Variants in NUP160 observed in about 807,000 individuals in gnomAD.
NUP160 encodes nuclear pore complex protein Nup160.
NUP160 carries 94 observed loss-of-function variants against 196.9 expected under a neutral mutation model. The ratio of observed to expected loss-of-function variants is 0.48; its 90% CI spans 0.40 to 0.57. The LOEUF is 0.57. Among genes scored for constraint, NUP160 ranks in the 20% least tolerant of loss-of-function variants. The probability of loss-of-function intolerance (pLI) is 0.00; values close to 1 mark genes in which losing one functional copy is unlikely to be tolerated. For synonymous variants in NUP160, 605 were observed against 619.7 expected (o/e 0.98, Z 0.35); for missense variants, 1,638 against 1,748.3 (o/e 0.94, Z 1.13).
rs779304067 is a variant in NUP160, at chr11:47,804,529, A to C, written c.2676+20T>G. 6.1e-6 allele frequency: 9 copies of C among 1,484,252 alleles called. No homozygotes were observed. In the African/African-American group the frequency reaches 1.2e-4, roughly 19 times the overall value. The allele number at this position is 1,484,252 out of a possible 1,614,324, so 91.9% of individuals were successfully genotyped here. On this transcript the variant is annotated intron_variant, in intron 21 of 35. Coordinates refer to ENST00000378460, the Ensembl canonical transcript of NUP160. The stretch of plus-strand genomic sequence containing the variant: ...TGCTTTACAAGAATGTGTAGACATG[A>C]AATGTTCAAAGGAACTCACCTGCAA...
At chr11:47,830,633 A>C (rs1280359449) in intron 7 of NUP160, among the ~76,000 whole-genome samples, 1 of 152,214 alleles carries the variant, frequency 6.6e-6, no homozygotes, top group African/African-American at 2.4e-5. Context: ...ACATGTTCTC[A>C]CTTATAAATG....
At position 47,782,301 on chromosome 11, in the gene NUP160, AAAATATATATATATATATATAT is replaced by A. The variant is rs1471486361; in HGVS notation, c.4116+750_4116+771del. ...AGCAAAACTCAGTTAAAAAAAAAAA[AAAATATATATATATATATATAT>A]ATATATATATATATATATATATATA... is the stretch of plus-strand genomic sequence containing the variant. On this transcript the variant is annotated intron_variant, in intron 34 of 35. Coordinates refer to ENST00000378460, the Ensembl canonical transcript of NUP160. 1.6e-3 allele frequency among the ~76,000 whole-genome samples: 73 copies of A among 44,972 alleles called. 6 individuals carry two copies. Among genetic ancestry groups the A allele is most frequent in the East Asian group, 5.0e-3 (9 of 1,786 alleles). The allele number at this position is 44,972 out of a possible 152,430, so 29.5% of individuals were successfully genotyped here.
At chr11:47,833,106 T>C (rs1013203213) in intron 7 of NUP160, among the ~76,000 whole-genome samples, 21 of 152,168 alleles carry the variant, frequency 1.4e-4, no homozygotes, top group African/African-American at 4.8e-4. Flanking sequence ...CTAAAACTCA[T>C]TGAATGGTAT....
chr11:47,839,639 T>G, intron 4 of NUP160: 1 of 579,044 alleles, frequency 1.7e-6, no homozygotes, highest in Non-Finnish European at 3.1e-6. Flanking sequence ...CTTGTCTATT[T>G]GTTTTTCCGT....
intron 7 of NUP160, among the ~76,000 whole-genome samples, chr11:47,830,623 A>C (rs1852054536): frequency 6.6e-6 from 1 of 152,196 alleles, no homozygotes; most frequent in South Asian, 2.1e-4. Flanking sequence ...ACCAAATACC[A>C]CATGTTCTCA....
intron 2 of NUP160, among the ~76,000 whole-genome samples, chr11:47,842,361 T>A (rs1358554420): frequency 1.3e-5 from 2 of 152,192 alleles, no homozygotes; most frequent in Non-Finnish European, 1.5e-5. Flanking sequence ...ACTCACGGCA[T>A]CAGCACAATT....
intron 7 of NUP160, among the ~76,000 whole-genome samples, chr11:47,824,060 CACAT>C (rs1469434539): frequency 7.6e-6 from 1 of 130,784 alleles, no homozygotes; most frequent in African/African-American, 3.0e-5. Context: ...TATACACACA[CACAT>C]AGAAGTGGAA....
chr11:47,820,859 T>C (rs895077543), intron 9 of NUP160, among the ~76,000 whole-genome samples: 1 of 152,098 alleles, frequency 6.6e-6, no homozygotes, highest in Non-Finnish European at 1.5e-5. Context: ...CACTAGTTTA[T>C]TTTTTATAGA....
chr11:47,846,245 G>A (rs1852401558), intron 2 of NUP160, among the ~76,000 whole-genome samples: 1 of 151,906 alleles, frequency 6.6e-6, no homozygotes. Context: ...CCAAAGTGCT[G>A]GGATTACAGG....
exon 17 of NUP160, chr11:47,812,126 G>A (rs144501990): frequency 5.0e-6 from 8 of 1,613,980 alleles, no homozygotes; most frequent in South Asian, 2.2e-5. Context: ...ATCAGGAAAC[G>A]AGTACTGGCG....
intron 33 of NUP160, 70 bp downstream of exon 33, chr11:47,784,852 A>T (rs897916325): frequency 8.4e-7 from 1 of 1,192,886 alleles, no homozygotes; most frequent in Admixed American, 2.5e-5. Flanking sequence ...CATATTTTTA[A>T]TCATCTCATG....
At chr11:47,835,803 T>A in exon 7 of NUP160, 1 of 1,579,694 alleles carries the variant, frequency 6.3e-7, no homozygotes, top group African/African-American at 1.4e-5. Flanking sequence ...ATTAGGCACA[T>A]TTGCTCCTGT....
At chr11:47,830,106 G>T (rs1852044843) in intron 7 of NUP160, among the ~76,000 whole-genome samples, 1 of 152,160 alleles carries the variant, frequency 6.6e-6, no homozygotes, top group Admixed American at 6.5e-5. Flanking sequence ...ACAAGCATAT[G>T]AATAAAAGTT....
intron 1 of NUP160, 61 bp downstream of exon 1, chr11:47,848,158 G>A (rs1442873632): frequency 1.3e-6 from 2 of 1,576,150 alleles, no homozygotes; most frequent in East Asian, 2.2e-5. Flanking sequence ...GGGACCCTGG[G>A]ACCCATGAGA....
chr11:47,848,409 C>G, exon 1 of NUP160: 1 of 1,576,960 alleles, frequency 6.3e-7, no homozygotes, highest in Non-Finnish European at 8.6e-7. Context: ...GAGCTGCGGA[C>G]AGGTGAAGCA....
chr11:47,825,924 A>G (rs542889047), intron 7 of NUP160, among the ~76,000 whole-genome samples: 2 of 152,312 alleles, frequency 1.3e-5, no homozygotes, highest in East Asian at 3.9e-4. Context: ...CTGTAAATTG[A>G]TAAGAGTGAT....
intron 18 of NUP160, among the ~76,000 whole-genome samples, chr11:47,808,107 AC>A (rs1351218368): frequency 6.6e-6 from 1 of 152,142 alleles, no homozygotes; most frequent in African/African-American, 2.4e-5. Context: ...ACATGGTGAA[AC>A]CCCATCTCTA....
Position 47,812,443 on chromosome 11 carries a change from T to C in NUP160, c.1953-14A>G, listed in dbSNP as rs760482560. On this transcript the variant is annotated splice_polypyrimidine_tract_variant and intron_variant, in intron 15 of 35. Transcript: ENST00000378460. ...ATCACATTTTCTCTATAAGGACAAT[T>C]ACAAAACTCTTATTACTACCGAGAA... 6.2e-7 allele frequency: 1 copy of C among 1,608,832 alleles called. No individual in the cohort carries two copies. The highest frequency in any genetic ancestry group is 1.3e-5 in the African/African-American group (1 of 74,656).
intron 34 of NUP160, among the ~76,000 whole-genome samples, chr11:47,782,052 G>A (rs1406033622): frequency 4.0e-5 from 6 of 151,814 alleles, no homozygotes; most frequent in African/African-American, 1.5e-4. Flanking sequence ...AGGCCGAGGT[G>A]GGTGGATCAC....
Sources: allele counts gnomAD v4.1 joint callset (sites outside exome capture counted in the v4.1 genomes callset), GRCh38; gene constraint gnomAD v4.1.1; transcripts MANE v1.5; gene names NCBI Gene and HGNC (gene_info 2026-07-23, HGNC 2026-07-21).